Variants in MCF2L observed in about 807,000 individuals in gnomAD.
The protein encoded by MCF2L is guanine nucleotide exchange factor DBS.
A neutral mutation model predicts 153.4 loss-of-function variants in MCF2L; 97 were observed. The ratio of observed to expected loss-of-function variants is 0.63; its 90% CI spans 0.54 to 0.75. MCF2L has a LOEUF of 0.75. Among genes scored for constraint, MCF2L ranks in the 30% least tolerant of loss-of-function variants. The probability of loss-of-function intolerance (pLI) is 0.00; values close to 1 mark genes in which losing one functional copy is unlikely to be tolerated. For synonymous variants in MCF2L, 659 were observed against 632.2 expected (o/e 1.04, Z -0.64); for missense variants, 1,347 against 1,495.2 (o/e 0.90, Z 1.64).
intron 2 of MCF2L, among the ~76,000 whole-genome samples, chr13:112,920,858 G>C (rs929413588): frequency 1.3e-5 from 2 of 152,128 alleles, no homozygotes; most frequent in African/African-American, 4.8e-5. Flanking sequence ...CTCTGCACAA[G>C]AGACACTCCT....
chr13:112,916,282 GT>G (rs1309584013), intron 2 of MCF2L, among the ~76,000 whole-genome samples: 1 of 151,276 alleles, frequency 6.6e-6, no homozygotes, highest in Non-Finnish European at 1.5e-5. Flanking sequence ...TTAGCGGATA[GT>G]TTATCTATTT....
chr13:112,982,666 G>A (rs982034457), intron 1 of MCF2L, among the ~76,000 whole-genome samples: 5 of 152,216 alleles, frequency 3.3e-5, no homozygotes, highest in African/African-American at 4.8e-5. Flanking sequence ...GAGACGTGGT[G>A]AGGGAGAGCT....
rs1463180790 is a variant in MCF2L at position 113,027,474 on chromosome 13, G to A, written c.278+2716G>A. Among the ~76,000 whole-genome samples the A allele has an allele frequency of 6.6e-6, 1 of 152,210 alleles. No homozygotes were observed. The highest frequency in any genetic ancestry group is 1.5e-5 in the Non-Finnish European group (1 of 68,032). On this transcript the variant is annotated intron_variant, in intron 3 of 29. Transcript: ENST00000535094. This position sits in a 1 kb window ranked among gnomAD's most constrained non-coding sequence, Gnocchi z 4.8. ...CGTGACTGACTATGGTCAAAGCCCT[G>A]GACATGGCGGTGTCCTGGTAGCCCC...
chr13:113,096,752 T>C, intron 29 of MCF2L, 22 bp from the exon 30 acceptor site: 1 of 1,561,454 alleles, frequency 6.4e-7, no homozygotes, highest in Non-Finnish European at 8.6e-7. Flanking sequence ...CCGAAGCCCG[T>C]CCCCGCCTGA....
chr13:112,979,778 C>T (rs750268685), intron 1 of MCF2L: 1 of 1,602,898 alleles, frequency 6.2e-7, no homozygotes, highest in Non-Finnish European at 8.5e-7. Context: ...AATGGGGTCG[C>T]AGGGCATGGG....
chr13:113,000,933 T>A (rs2083341930), intron 1 of MCF2L, among the ~76,000 whole-genome samples: 1 of 152,100 alleles, frequency 6.6e-6, no homozygotes, highest in African/African-American at 2.4e-5. Context: ...TCTCAGGAGA[T>A]GTGCGTTGAC....
chr13:112,997,827 G>GT (rs2083203012), intron 1 of MCF2L, among the ~76,000 whole-genome samples: 1 of 152,260 alleles, frequency 6.6e-6, no homozygotes, highest in African/African-American at 2.4e-5. Context: ...GACCAGCGTG[G>GT]TGACGCTCAT....
chr13:113,055,982 C>G (rs572192686), intron 4 of MCF2L, among the ~76,000 whole-genome samples: 2 of 152,236 alleles, frequency 1.3e-5, no homozygotes, highest in South Asian at 2.1e-4. Flanking sequence ...CCCTCATCCA[C>G]TCCGCAGCAG....
chr13:112,967,346 A>G (rs1400955808), upstream of MCF2L: 1 of 152,162 alleles, frequency 6.6e-6, no homozygotes, highest in Non-Finnish European at 1.5e-5. Context: ...TTGTCCACAG[A>G]GGGAGAGGCT....
chr13:113,039,717 G>A (rs986505762), intron 3 of MCF2L, among the ~76,000 whole-genome samples: 2 of 152,292 alleles, frequency 1.3e-5, no homozygotes, highest in African/African-American at 4.8e-5. Context: ...CTGCCTCTGG[G>A]AAATGCCAAT....
intron 2 of MCF2L, among the ~76,000 whole-genome samples, chr13:113,015,154 G>A (rs1448439159): frequency 1.3e-5 from 2 of 152,170 alleles, no homozygotes; most frequent in Non-Finnish European, 2.9e-5. Context: ...GTGGGTGGCC[G>A]AGCCCATGGG....
At chr13:113,042,184 G>C (rs914738135) in intron 3 of MCF2L, 1 of 152,010 alleles carries the variant, frequency 6.6e-6, no homozygotes, top group Non-Finnish European at 1.5e-5. Context: ...CCATTCCCAC[G>C]CGTGCCCCAT....
At position 113,084,011 on chromosome 13, in the gene MCF2L, G is replaced by A. The variant is rs1486047077; in HGVS notation, c.2005G>A (p.Glu669Lys). 1.9e-6 allele frequency: 3 copies of A among 1,613,738 alleles called. No homozygotes were observed. The Admixed American group carries it at 5.0e-5, about 27-fold the overall frequency. Residue 669 changes from glutamate to lysine, a missense_variant, in exon 18 of 30, where the codon GAG becomes AAG. By Grantham distance (56) the Glu-to-Lys change is moderately conservative (BLOSUM62 1). This residue lies in a region of MCF2L where 820 missense variants were observed against 921.2 expected (regional missense o/e 0.89). Coordinates refer to ENST00000535094, the MANE Select transcript of MCF2L (RefSeq NM_001112732.3). The stretch of plus-strand genomic sequence containing the variant: ...TTCTTTGTCTAGGATATTCCTCAGG[G>A]AGCTGGAAAACTACACTGACTGCCC... ...YHFHNRIFLR[E>K]LENYTDCPEL...
At chr13:113,065,818 C>T (rs1419552463) in intron 7 of MCF2L, among the ~76,000 whole-genome samples, 1 of 152,234 alleles carries the variant, frequency 6.6e-6, no homozygotes, top group East Asian at 1.9e-4. Flanking sequence ...GCCCTGAGTG[C>T]CCTGTAATGG....
intron 1 of MCF2L, among the ~76,000 whole-genome samples, chr13:112,982,000 G>A (rs999570706): frequency 1.3e-5 from 2 of 152,224 alleles, no homozygotes; most frequent in African/African-American, 4.8e-5. Context: ...AGGGCTGGGG[G>A]AAGATGCTCA....
At chr13:112,949,081 C>A (rs868861082) in intron 2 of MCF2L, among the ~76,000 whole-genome samples, 1 of 152,284 alleles carries the variant, frequency 6.6e-6, no homozygotes, top group Non-Finnish European at 1.5e-5. Flanking sequence ...ACAGACTCTG[C>A]AGATATCAAA....
chr13:112,979,444 G>C, intron 1 of MCF2L: 1 of 1,410,550 alleles, frequency 7.1e-7, no homozygotes, highest in African/African-American at 1.5e-5. Flanking sequence ...CTCTGAGGAG[G>C]TGGCTCAGCC....
In MCF2L at chr13:113,064,420, G is replaced by A. The variant is rs770362075; in HGVS notation, c.606G>A (p.Thr202=). Residue 202 remains threonine, a splice_region_variant and synonymous_variant, in exon 6 of 30, where the codon ACG becomes ACA. Coordinates refer to ENST00000535094, the MANE Select transcript of MCF2L (RefSeq NM_001112732.3). This position sits in a 1 kb window ranked among gnomAD's most constrained non-coding sequence, Gnocchi z 6.0. Reference sequence around the variant, plus strand: ...ACTCCCGGTGGCTGTGCCAGCGCACGGTGAGCCGCGTCGGGGCCAGCGGGG... The same window carrying A: ...ACTCCCGGTGGCTGTGCCAGCGCACAGTGAGCCGCGTCGGGGCCAGCGGGG... The part of the protein sequence containing the change: ...YCHSRWLCQR[T]AIESFALMVK... 4.5e-5 allele frequency: 72 copies of A among 1,606,950 alleles called. No individual in the cohort carries two copies. Among genetic ancestry groups the A allele is most frequent in the Non-Finnish European group, 6.0e-5 (71 of 1,175,546 alleles).
rs199533910 is a variant in MCF2L at position 112,915,902 on chromosome 13, T to A, written c.169+13531T>A. Among the ~76,000 whole-genome samples the A allele has an allele frequency of 9.2e-5, 14 of 152,108 alleles. No individual in the cohort carries two copies. In the East Asian group the frequency reaches 1.4e-3, roughly 15 times the overall value. On this transcript the variant is annotated intron_variant, in intron 2 of 29. Coordinates refer to the MCF2L transcript ENST00000375608. ...TGTTGTTGTTGTTGTTTTAATTTTTTAAAAATTAAAAACAGGCCGGGCGCA... is the reference window on the plus strand; with the variant it reads ...TGTTGTTGTTGTTGTTTTAATTTTTAAAAAATTAAAAACAGGCCGGGCGCA...
Sources: allele counts gnomAD v4.1 joint callset (sites outside exome capture counted in the v4.1 genomes callset), GRCh38; gene constraint gnomAD v4.1.1; regional missense constraint gnomAD v4.1.1; non-coding constraint Gnocchi (gnomAD v3.1); transcripts MANE v1.5; gene names NCBI Gene and HGNC (gene_info 2026-07-23, HGNC 2026-07-21).